CA10: variants seen among roughly 807,000 people sequenced by gnomAD.
CA10 encodes carbonic anhydrase-related protein 10.
CA10 carries 14 observed loss-of-function variants against 44.2 expected under a neutral mutation model. The observed-to-expected ratio is 0.32, with a 90% CI of 0.21 to 0.50. The LOEUF (loss-of-function observed/expected upper bound fraction) is 0.50, where lower values mean the gene tolerates loss of function less well. Ranked by LOEUF, CA10 falls within the 20% of genes least tolerant of loss-of-function variation. CA10 has a pLI of 0.99. For synonymous variants in CA10, 159 were observed against 141.6 expected (o/e 1.12, Z -0.87); for missense variants, 350 against 409.7 (o/e 0.85, Z 1.26).
intron 3 of CA10, among the ~76,000 whole-genome samples, chr17:51,888,190 G>A (rs1489120819): frequency 1.3e-5 from 2 of 151,890 alleles, no homozygotes; most frequent in African/African-American, 4.8e-5. Flanking sequence ...TAAAAAAAAG[G>A]AGAAGAAAGG....
At chr17:52,020,244 C>T (rs8072152) in intron 2 of CA10, among the ~76,000 whole-genome samples, 4,839 of 151,918 alleles carry the variant, frequency 0.032, 263 homozygotes, top group African/African-American at 0.11. Context: ...TTTGGCATTT[C>T]CTGAACAATG....
chr17:51,929,793 T>C (rs1314518195), intron 3 of CA10, among the ~76,000 whole-genome samples: 3 of 152,164 alleles, frequency 2.0e-5, no homozygotes, highest in African/African-American at 7.2e-5. Context: ...GAACAATAAT[T>C]AGGATAGCAT....
chr17:51,750,870 T>C (rs879363497), intron 3 of CA10, among the ~76,000 whole-genome samples: 1 of 152,264 alleles, frequency 6.6e-6, no homozygotes, highest in Non-Finnish European at 1.5e-5. Flanking sequence ...GTCTGTCTAA[T>C]GTTCTCAAGA....
chr17:51,788,309 G>A (rs952687917), intron 3 of CA10, among the ~76,000 whole-genome samples: 3 of 152,192 alleles, frequency 2.0e-5, no homozygotes, highest in African/African-American at 7.2e-5. Flanking sequence ...GACCAGAGAA[G>A]ATGCTTGATA....
intron 2 of CA10, among the ~76,000 whole-genome samples, chr17:52,054,673 TTCTC>T (rs1218509172): frequency 6.6e-6 from 1 of 152,008 alleles, no homozygotes; most frequent in Non-Finnish European, 1.5e-5. Flanking sequence ...GCTTTAAAAT[TTCTC>T]TCTTTTGTAC....
intron 4 of CA10, among the ~76,000 whole-genome samples, chr17:51,664,557 CAAA>C (rs11367609): frequency 5.2e-4 from 71 of 137,152 alleles, no homozygotes; most frequent in African/African-American, 1.2e-3. Flanking sequence ...ATGAAGTATA[CAAA>C]AAAAAAAAAA....
chr17:51,959,645 C>T (rs1476497963), intron 2 of CA10, among the ~76,000 whole-genome samples: 1 of 151,780 alleles, frequency 6.6e-6, no homozygotes, highest in African/African-American at 2.4e-5. Context: ...CTCAGGTTGA[C>T]CCCTGGGTGG....
chr17:52,012,620 C>T (rs1201882523), intron 2 of CA10, among the ~76,000 whole-genome samples: 2 of 151,928 alleles, frequency 1.3e-5, no homozygotes, highest in Non-Finnish European at 2.9e-5. Flanking sequence ...ATGTTCAGTA[C>T]GTTCAGTGAT....
At chr17:51,671,104 T>C (rs1356857493) in intron 4 of CA10, among the ~76,000 whole-genome samples, 1 of 152,146 alleles carries the variant, frequency 6.6e-6, no homozygotes, top group Admixed American at 6.5e-5. Flanking sequence ...GGTGTATCTG[T>C]CAGCTGTTAA....
intron 1 of CA10, among the ~76,000 whole-genome samples, chr17:52,157,273 C>A (rs921928828): frequency 2.6e-5 from 4 of 152,126 alleles, no homozygotes; most frequent in Non-Finnish European, 1.5e-5. Flanking sequence ...ACTCTCCAGT[C>A]CCGCATCCTC....
chr17:51,790,350 T>C (rs987533336), intron 3 of CA10, among the ~76,000 whole-genome samples: 2 of 152,144 alleles, frequency 1.3e-5, no homozygotes, highest in African/African-American at 4.8e-5. Context: ...CAGGATGACA[T>C]GCCTGTTGTA....
At position 51,959,282 on chromosome 17, in the gene CA10, C is replaced by CTCTG. The variant is rs748461115; in HGVS notation, c.137-28151_137-28150insCAGA. ...TTGTTCTCTCTCTCGCTCTCTCTCT[C>CTCTG]TGTGTGTGTGTGTGTGTGTGTGTGT... On this transcript the variant is annotated intron_variant, in intron 2 of 8. Transcript: ENST00000451037. Among the ~76,000 whole-genome samples, 788 of 134,414 alleles carry CTCTG rather than the reference C, an allele frequency of 5.9e-3. 4 individuals are homozygous for CTCTG. Among genetic ancestry groups the CTCTG allele is most frequent in the South Asian group, 0.016 (61 of 3,832 alleles). 88.2% of individuals were successfully genotyped at this position (134,414 alleles called of 152,430 possible).
intron 3 of CA10, among the ~76,000 whole-genome samples, chr17:51,774,962 C>A (rs1157278631): frequency 6.6e-6 from 1 of 152,174 alleles, no homozygotes; most frequent in Non-Finnish European, 1.5e-5. Context: ...CCCAACAGTG[C>A]CATTTATTCC....
chr17:52,099,308 G>C (rs1988481404), intron 1 of CA10, among the ~76,000 whole-genome samples: 1 of 152,190 alleles, frequency 6.6e-6, no homozygotes, highest in Non-Finnish European at 1.5e-5. Context: ...TGAAAAGGTA[G>C]AAAGGGGTTA....
intron 3 of CA10, among the ~76,000 whole-genome samples, chr17:51,879,537 G>T (rs1598096669): frequency 6.6e-6 from 1 of 152,216 alleles, no homozygotes; most frequent in African/African-American, 2.4e-5. Flanking sequence ...GAACAAAAAG[G>T]TCTAAAATAA....
At chr17:52,067,876 T>C (rs1987577386) in intron 2 of CA10, among the ~76,000 whole-genome samples, 1 of 152,252 alleles carries the variant, frequency 6.6e-6, no homozygotes, top group Admixed American at 6.5e-5. Context: ...ACCCAATGCC[T>C]GTACCTGCAT....
At chr17:52,036,219 A>G (rs1567710921) in intron 2 of CA10, among the ~76,000 whole-genome samples, 1 of 152,188 alleles carries the variant, frequency 6.6e-6, no homozygotes, top group Non-Finnish European at 1.5e-5. Context: ...AATGAATAGA[A>G]TTGATCCAAT....
At chr17:51,715,380 C>A (rs1235958958) in intron 4 of CA10, among the ~76,000 whole-genome samples, 1 of 151,664 alleles carries the variant, frequency 6.6e-6, no homozygotes, top group African/African-American at 2.4e-5. Context: ...TAAAAAAAAC[C>A]AAAAAACATA....
chr17:51,845,687 T>G (rs1017708259), intron 3 of CA10, among the ~76,000 whole-genome samples: 2 of 152,176 alleles, frequency 1.3e-5, no homozygotes, highest in African/African-American at 4.8e-5. Flanking sequence ...CTGATAACTT[T>G]TTATAACTTT....
Sources: gnomAD v4.1 joint callset for allele counts (sites outside exome capture counted in the v4.1 genomes callset) on GRCh38, gnomAD v4.1.1 for gene constraint, MANE v1.5 for transcripts, NCBI Gene and HGNC (gene_info 2026-07-23, HGNC 2026-07-21) for gene names.